The following NEURL4 variants were observed in gnomAD, a reference collection of about 807,000 sequenced individuals.
NEURL4 encodes the protein neuralized E3 ubiquitin protein ligase 4.
NEURL4 carries 45 observed loss-of-function variants against 148.0 expected under a neutral mutation model. That is an observed-to-expected ratio of 0.30 (90% confidence interval 0.24 to 0.39). The LOEUF (loss-of-function observed/expected upper bound fraction) is 0.39, where lower values mean the gene tolerates loss of function less well. NEURL4 is among the 10% of genes least tolerant of loss of function. NEURL4 has a pLI of 1.00. For synonymous variants in NEURL4, 854 were observed against 869.0 expected, an observed-to-expected ratio of 0.98 and a Z score of 0.30; for missense variants, 1,776 against 2,144.0, an observed-to-expected ratio of 0.83 and a Z score of 3.39.
In NEURL4 at chr17:7,320,783, A is replaced by G; in HGVS notation, c.3501T>C (p.Pro1167=). Residue 1167 remains proline, a synonymous_variant, in exon 21 of 29, where the codon CCT becomes CCC. Transcript: ENST00000399464. ...YNQGIVVINQ[P]LVPQLLVQVR... ...CCTGCACCAGCAGCTGGGGCACCAG[A>G]GGTTGGTTGATGACAACGATGCCCT... is the stretch of plus-strand genomic sequence containing the variant. The G allele has an allele frequency of 6.2e-7, 1 of 1,613,790 alleles. No individual in the cohort carries two copies. The highest frequency in any genetic ancestry group is 8.5e-7 in the Non-Finnish European group (1 of 1,179,848).
rs749559695 is a variant in NEURL4 at position 7,325,301 on chromosome 17, G to A, written c.1539C>T (p.Ala513=). ...PEGALRRAAP[A]AQAEPERLLF... ...GCAGGCGCTCAGGTTCTGCCTGGGC[G>A]GCAGGGGCAGCACGGCGGAGAGCAC... is the stretch of plus-strand genomic sequence containing the variant. The change falls in exon 8 of 29, where the codon GCC becomes GCT. Residue 513 remains alanine, a synonymous_variant. Transcript: ENST00000399464. The A allele has an allele frequency of 1.1e-4, 176 of 1,610,306 alleles. 1 individual carries two copies. Among genetic ancestry groups the A allele is most frequent in the Middle Eastern group, 1.7e-4 (1 of 6,042 alleles).
Position 7,321,466 on chromosome 17 carries a change from C to T in NEURL4, c.3100-7G>A. ...CACCCACACGGCTCCCCACCTAGGA[C>T]CGAGGTAGGACAAGGACGGACGATG... On this transcript the variant is annotated splice_region_variant and splice_polypyrimidine_tract_variant and intron_variant, in intron 18 of 28. Coordinates refer to ENST00000399464, the MANE Select transcript of NEURL4 (RefSeq NM_032442.3). The surrounding 1 kb of genome is among the most constrained non-coding windows in gnomAD (Gnocchi z 6.3). 2 of 1,613,914 alleles carry T rather than the reference C, an allele frequency of 1.2e-6. No individual in the cohort carries two copies. The highest frequency in any genetic ancestry group is 1.7e-6 in the Non-Finnish European group (2 of 1,179,916).
At position 7,318,035 on chromosome 17, in the gene NEURL4, A is replaced by G; in HGVS notation, c.4060+30T>C. 6.2e-7 allele frequency: 1 copy of G among 1,613,868 alleles called. No individual in the cohort carries two copies. Among genetic ancestry groups the G allele is most frequent in the Non-Finnish European group, 8.5e-7 (1 of 1,179,716 alleles). ...GGCTCTAGGCCTGGCCCTGGGAATGAAGTCAGTTCTGGCGGACTGTGGGAC... is the reference window on the plus strand; with the variant it reads ...GGCTCTAGGCCTGGCCCTGGGAATGGAGTCAGTTCTGGCGGACTGTGGGAC... On this transcript the variant is annotated intron_variant, in intron 25 of 28. Coordinates refer to ENST00000399464, the MANE Select transcript of NEURL4 (RefSeq NM_032442.3). The surrounding 1 kb of genome is among the most constrained non-coding windows in gnomAD (Gnocchi z 4.3).
chr17:7,317,446 C>T lies in NEURL4; in HGVS notation c.4318+15G>A. 6.2e-7 allele frequency: 1 copy of T among 1,613,848 alleles called. No homozygotes were observed. The highest frequency in any genetic ancestry group is 1.1e-5 in the South Asian group (1 of 91,070). On this transcript the variant is annotated intron_variant, in intron 27 of 28. Transcript: ENST00000399464. ...CCAGGCTCAGCCCACCTTGCATGGG[C>T]CTACTCGCCAGTACCTGCTCCCAGC... is the stretch of plus-strand genomic sequence containing the variant.
In NEURL4 at chr17:7,318,501, A is replaced by G; in HGVS notation, c.3858T>C (p.Cys1286=). Residue 1286 remains cysteine (C), a synonymous_variant, in exon 23 of 29, where the codon TGT becomes TGC. Coordinates refer to ENST00000399464, the MANE Select transcript of NEURL4 (RefSeq NM_032442.3). This position sits in a 1 kb window ranked among gnomAD's most constrained non-coding sequence, Gnocchi z 4.3. ...TGCCCCCACTGCCACTAACCTGCTC[A>G]CACTGCCCATAGAGGTCCACAAGCG... ...CHALVDLYGQ[C]EQVTIVNPEP... 2 of 1,607,236 alleles carry G rather than the reference A, an allele frequency of 1.2e-6. No homozygotes were observed. The highest frequency in any genetic ancestry group is 1.7e-6 in the Non-Finnish European group (2 of 1,175,832).
At position 7,327,484 on chromosome 17, in the gene NEURL4, G is replaced by T. The variant is rs371972911; in HGVS notation, c.683C>A (p.Thr228Asn). The change falls in exon 2 of 29, where the codon ACT becomes AAT. Residue 228 changes from threonine to asparagine, a missense_variant. Transcript: ENST00000399464. This position sits in a 1 kb window ranked among gnomAD's most constrained non-coding sequence, Gnocchi z 6.6. ...CTGTTCAGCCAAGGCAGAGTCTTCA[G>T]TGGGGGCCAAGGGCTCGAGGGGAGG... ...PTPPLEPLAP[T>N]EDSALAEQGT... 1.3e-6 allele frequency: 2 copies of T among 1,579,142 alleles called. No homozygotes were observed. The highest frequency in any genetic ancestry group is 1.7e-4 in the Middle Eastern group (1 of 5,886).
At position 7,327,148 on chromosome 17, in the gene NEURL4, C is replaced by T. The variant is rs1356054323; in HGVS notation, c.793+17G>A. 1 of 1,611,404 alleles carries T rather than the reference C, an allele frequency of 6.2e-7. No individual in the cohort carries two copies. The highest frequency in any genetic ancestry group is 8.5e-7 in the Non-Finnish European group (1 of 1,179,608). ...CACTTCCCACTCCCCTTCCCAGGGC[C>T]TCCCCAAAGCCCTCACCATTATGCG... On this transcript the variant is annotated intron_variant, in intron 3 of 28. Transcript: ENST00000399464. This position sits in a 1 kb window ranked among gnomAD's most constrained non-coding sequence, Gnocchi z 6.6.
rs1424065990 is a variant in NEURL4 at position 7,320,778 on chromosome 17, A to C, written c.3506T>G (p.Val1169Gly). ...ACCCACCTGCACCAGCAGCTGGGGC[A>C]CCAGAGGTTGGTTGATGACAACGAT... ...QGIVVINQPL[V>G]PQLLVQVRID... Residue 1169 changes from valine (V) to glycine (G), a missense_variant, in exon 21 of 29, where the codon GTG (valine) becomes GGG (glycine). Val to Gly is a moderately radical substitution (Grantham distance 109). Coordinates refer to ENST00000399464, the MANE Select transcript of NEURL4 (RefSeq NM_032442.3). 6.2e-7 allele frequency: 1 copy of C among 1,613,746 alleles called. No individual in the cohort carries two copies. Among genetic ancestry groups the C allele is most frequent in the Admixed American group, 1.7e-5 (1 of 59,972 alleles).
In NEURL4 at chr17:7,322,628, C is replaced by G; in HGVS notation, c.2725+107G>C. 1 of 1,436,586 alleles carries G rather than the reference C, an allele frequency of 7.0e-7. No individual in the cohort carries two copies. Among genetic ancestry groups the G allele is most frequent in the Non-Finnish European group, 9.5e-7 (1 of 1,055,340 alleles). 89.0% of individuals were successfully genotyped at this position (1,436,586 alleles called of 1,614,324 possible). A position where few individuals can be genotyped will look rare whatever the true frequency, so the allele number is the denominator to read the frequency against. Reference sequence around the variant, plus strand: ...GCTGTCCCTTCCCTGGAGCCGGCAGCTACCCCAGCCAACCGTCTTTGCAGA... The same window carrying G: ...GCTGTCCCTTCCCTGGAGCCGGCAGGTACCCCAGCCAACCGTCTTTGCAGA... On this transcript the variant is annotated intron_variant, in intron 16 of 28. Transcript: ENST00000399464. The surrounding 1 kb of genome is among the most constrained non-coding windows in gnomAD (Gnocchi z 5.5).
At chr17:7,328,950 A>C (rs1597641229) in intron 1 of NEURL4, 81 bp downstream of exon 1, 1 of 1,348,664 alleles carries the variant, frequency 7.4e-7, no homozygotes, top group East Asian at 2.9e-5. Flanking sequence ...AATGTGGGCT[A>C]CCCTGGCTGT....
Position 7,325,262 on chromosome 17 carries a change from G to T in NEURL4, c.1578C>A (p.Asn526Lys). Residue 526 changes from asparagine (N) to lysine (K), a missense_variant, in exon 8 of 29, where the codon AAC becomes AAA. Physicochemically the swap from Asn to Lys is moderately conservative, Grantham distance 94. Transcript: ENST00000399464. ...AEPERLLFHP[N>K]CGQKAAITHE... ...GGGTGATGGCTGCCTTCTGCCCACA[G>T]TTGGGGTGGAAGAGCAGGCGCTCAG... 1 of 1,606,462 alleles carries T rather than the reference G, an allele frequency of 6.2e-7. No homozygotes were observed. The highest frequency in any genetic ancestry group is 8.5e-7 in the Non-Finnish European group (1 of 1,177,732).
rs1183292551 is a variant in NEURL4, at chr17:7,323,964, G to A, written c.2111C>T (p.Ser704Phe). The A allele has an allele frequency of 1.9e-6, 3 of 1,612,330 alleles. No homozygotes were observed. Among genetic ancestry groups the A allele is most frequent in the African/African-American group, 2.7e-5 (2 of 74,942 alleles). Residue 704 changes from serine to phenylalanine, a missense_variant, in exon 12 of 29, where the codon TCT becomes TTT. Ser to Phe is a radical substitution (Grantham distance 155). Transcript: ENST00000399464. ...GGCCCCTGAGGACGGAGAGCTTGGA[G>A]ACACCTGGTTGTTCCCCTCAGGGAG... ...EPLPEGNNQV[S>F]PSSPSSGAGG...
intron 28 of NEURL4, among the ~76,000 whole-genome samples, 187 bp downstream of exon 28, chr17:7,317,018 T>C (rs1372868575): frequency 6.6e-6 from 1 of 152,212 alleles, no homozygotes; most frequent in Admixed American, 6.5e-5. Context: ...GTTCCTTTTT[T>C]TGCCCACTAG....
At position 7,318,372 on chromosome 17, in the gene NEURL4, T is replaced by C. The variant is rs746671052; in HGVS notation, c.3865-16A>G. The C allele has an allele frequency of 9.9e-6, 16 of 1,613,466 alleles. No homozygotes were observed. In the South Asian group the frequency reaches 1.4e-4, roughly 14 times the overall value. ...CGATTGTCACCTGCAGGGGAGAGGG[T>C]AGTCAGACAGAGCTTGGTCAGACCC... On this transcript the variant is annotated splice_polypyrimidine_tract_variant and intron_variant, in intron 23 of 28. Coordinates refer to ENST00000399464, the MANE Select transcript of NEURL4 (RefSeq NM_032442.3). This position sits in a 1 kb window ranked among gnomAD's most constrained non-coding sequence, Gnocchi z 4.3.
At chr17:7,320,677 C>A in intron 21 of NEURL4, 82 bp downstream of exon 21, 1 of 1,351,926 alleles carries the variant, frequency 7.4e-7, no homozygotes, top group Non-Finnish European at 1.0e-6. Context: ...TTTTTCTCCA[C>A]ACAAAAAGGC....
chr17:7,324,455 C>T lies in NEURL4; in HGVS notation c.1839G>A (p.Gly613=), dbSNP rs1225615432. 1 of 1,614,186 alleles carries T rather than the reference C, an allele frequency of 6.2e-7. No homozygotes were observed. The highest frequency in any genetic ancestry group is 1.7e-5 in the Admixed American group (1 of 60,032). The change falls in exon 10 of 29, where the codon GGG becomes GGA. Residue 613 remains glycine (G), a synonymous_variant. Coordinates refer to ENST00000399464, the MANE Select transcript of NEURL4 (RefSeq NM_032442.3). The surrounding 1 kb of genome is among the most constrained non-coding windows in gnomAD (Gnocchi z 5.9). Reference sequence around the variant, plus strand: ...GGATGGTCGTCCCATTGTGCATCACCCCATTCCCAGTCATCATCCAGGTCC... The same window carrying T: ...GGATGGTCGTCCCATTGTGCATCACTCCATTCCCAGTCATCATCCAGGTCC... The part of the protein sequence containing the change: ...RSGTWMMTGN[G]VMHNGTTILD...
Position 7,329,241 on chromosome 17 carries a change from G to GCCCCCCCCCCCCCC in NEURL4, c.71_72insGGGGGGGGGGGGGG (p.Pro25GlyfsTer33). ...CCGGTCCTGAGCCGCTCCCGCTGGG[G>GCCCCCCCCCCCCCC]CCCCCACCCCCGCCCGGCCCCGGTC... On this transcript the variant is annotated frameshift_variant, in exon 1 of 29. Coordinates refer to ENST00000399464, the MANE Select transcript of NEURL4 (RefSeq NM_032442.3). LOFTEE classifies it high-confidence loss of function. 2.7e-6 allele frequency: 4 copies of GCCCCCCCCCCCCCC among 1,481,434 alleles called. No individual in the cohort carries two copies. The highest frequency in any genetic ancestry group is 3.6e-6 in the Non-Finnish European group (4 of 1,116,012). The allele number at this position is 1,481,434 out of a possible 1,614,324, so 91.8% of individuals were successfully genotyped here. A position where few individuals can be genotyped will look rare whatever the true frequency, so the allele number is the denominator to read the frequency against.
Position 7,323,629 on chromosome 17 carries a change from C to G in NEURL4, c.2338+18G>C, listed in dbSNP as rs754219060. The G allele has an allele frequency of 1.2e-6, 2 of 1,613,590 alleles. No homozygotes were observed. On this transcript the variant is annotated intron_variant, in intron 13 of 28. Transcript: ENST00000399464. Reference sequence around the variant, plus strand: ...CACAGACATCCAACAGCCCCCAACACACACAGACGGCCCTCACCAGCCTCA... The same window carrying G: ...CACAGACATCCAACAGCCCCCAACAGACACAGACGGCCCTCACCAGCCTCA...
Position 7,318,961 on chromosome 17 carries a change from T to G in NEURL4, c.3684+89A>C, listed in dbSNP as rs1218453201. On this transcript the variant is annotated intron_variant, in intron 22 of 28. Coordinates refer to ENST00000399464, the MANE Select transcript of NEURL4 (RefSeq NM_032442.3). The surrounding 1 kb of genome is among the most constrained non-coding windows in gnomAD (Gnocchi z 4.3). ...CCCCTTTTACACCTGTGGTCCTACC[T>G]CCAAGGCTAGGGGCCCACTTCTCCC... 18 of 1,440,948 alleles carry G rather than the reference T, an allele frequency of 1.2e-5. No homozygotes were observed. Among genetic ancestry groups the G allele is most frequent in the African/African-American group, 2.8e-5 (2 of 70,190 alleles). The allele number at this position is 1,440,948 out of a possible 1,614,324, so 89.3% of individuals were successfully genotyped here.
Sources: allele counts gnomAD v4.1 joint callset (sites outside exome capture counted in the v4.1 genomes callset), GRCh38; gene constraint gnomAD v4.1.1; non-coding constraint Gnocchi (gnomAD v3.1); transcripts MANE v1.5; gene names NCBI Gene and HGNC (gene_info 2026-07-23, HGNC 2026-07-21).